TTC6: variants seen among roughly 807,000 people sequenced by gnomAD.
TTC6 encodes tetratricopeptide repeat protein 6.
Under a neutral mutation model 210.4 loss-of-function variants are expected in TTC6, and 172 were observed. The ratio of observed to expected loss-of-function variants is 0.82; its 90% CI spans 0.72 to 0.93. TTC6 has a LOEUF of 0.93. TTC6 is among the 40% of genes least tolerant of loss of function. The pLI is 0.00. For synonymous variants in TTC6, 804 were observed against 819.6 expected, an observed-to-expected ratio of 0.98 and a Z score of 0.32; for missense variants, 2,414 against 2,318.1, an observed-to-expected ratio of 1.04 and a Z score of -0.85.
chr14:37,645,548 C>T (rs200915808), intron 1 of TTC6, among the ~76,000 whole-genome samples: 44 of 152,016 alleles, frequency 2.9e-4, no homozygotes, highest in East Asian at 7.7e-4. Context: ...AATGGGGAAG[C>T]GAGAGACATT....
chr14:37,794,259 AT>A (rs373350677), intron 17 of TTC6, among the ~76,000 whole-genome samples: 111 of 152,262 alleles, frequency 7.3e-4, no homozygotes, highest in African/African-American at 2.5e-3. Flanking sequence ...AAATTTTCCA[AT>A]TTGTTTAAAC....
chr14:37,768,684 G>C (rs1243073354), intron 14 of TTC6, among the ~76,000 whole-genome samples: 2 of 151,796 alleles, frequency 1.3e-5, no homozygotes. Flanking sequence ...TTGCTTATCA[G>C]CTTAAGGAGA....
chr14:37,697,066 A>T (rs950064591), intron 4 of TTC6, among the ~76,000 whole-genome samples: 3 of 152,130 alleles, frequency 2.0e-5, no homozygotes, highest in Non-Finnish European at 4.4e-5. Flanking sequence ...TCATGATGTA[A>T]CAATAGCTGG....
intron 5 of TTC6, among the ~76,000 whole-genome samples, chr14:37,706,205 T>C (rs1220612927): frequency 6.6e-6 from 1 of 152,158 alleles, no homozygotes; most frequent in Non-Finnish European, 1.5e-5. Context: ...AAGAATGACA[T>C]GATCAGGTTT....
intron 6 of TTC6, among the ~76,000 whole-genome samples, chr14:37,715,611 A>G (rs558245967): frequency 3.9e-4 from 60 of 152,280 alleles, no homozygotes; most frequent in South Asian, 6.2e-4. Context: ...AAGAAACGAC[A>G]TGCTACCTGT....
At chr14:37,732,118 C>A (rs1315233968) in intron 7 of TTC6, among the ~76,000 whole-genome samples, 1 of 148,226 alleles carries the variant, frequency 6.7e-6, no homozygotes, top group Admixed American at 6.7e-5. Flanking sequence ...GGAAGCATTA[C>A]TGATAAACAG....
At chr14:37,721,996 C>T (rs2095862980) in intron 6 of TTC6, among the ~76,000 whole-genome samples, 2 of 150,748 alleles carry the variant, frequency 1.3e-5, no homozygotes, top group East Asian at 3.9e-4. Flanking sequence ...TAATCTCCCC[C>T]AGGGTCTCAG....
At chr14:37,681,763 T>C (rs1001204146) in intron 2 of TTC6, among the ~76,000 whole-genome samples, 2 of 152,106 alleles carry the variant, frequency 1.3e-5, no homozygotes, top group African/African-American at 4.8e-5. Context: ...TCCCTACCTT[T>C]GAAAATTTTG....
chr14:37,601,355 G>A (rs2095615241), intron 1 of TTC6, among the ~76,000 whole-genome samples: 1 of 152,132 alleles, frequency 6.6e-6, no homozygotes, highest in Non-Finnish European at 1.5e-5. Flanking sequence ...TGTGTCTCCT[G>A]CTGCCAGAGC....
chr14:37,709,560 A>G (rs1258039203), intron 5 of TTC6, among the ~76,000 whole-genome samples: 4 of 150,464 alleles, frequency 2.7e-5, no homozygotes, highest in Admixed American at 6.6e-5. Flanking sequence ...CTGTTACCAT[A>G]ACTGCCAATA....
At chr14:37,732,393 C>A (rs1266585765) in intron 7 of TTC6, among the ~76,000 whole-genome samples, 1 of 150,980 alleles carries the variant, frequency 6.6e-6, no homozygotes, top group African/African-American at 2.4e-5. Flanking sequence ...CCGTGTTAGC[C>A]AGGATGGTGT....
intron 1 of TTC6, among the ~76,000 whole-genome samples, chr14:37,650,705 A>G (rs2095709681): frequency 6.6e-6 from 1 of 152,182 alleles, no homozygotes; most frequent in East Asian, 1.9e-4. Context: ...GAATAATAAC[A>G]GCTTGCTTTT....
Position 37,747,887 on chromosome 14 carries a change from C to T in TTC6, c.2364-1052C>T, listed in dbSNP as rs115298953. 1.3e-3 allele frequency among the ~76,000 whole-genome samples: 193 copies of T among 152,280 alleles called. 1 individual carries two copies. The highest frequency in any genetic ancestry group is 4.4e-3 in the African/African-American group (184 of 41,564). On this transcript the variant is annotated intron_variant, in intron 10 of 30. Coordinates refer to ENST00000553443, the Ensembl canonical transcript of TTC6. ...GGCCTTCAGGCTTGCTCAAGGATTA[C>T]ATGGCTGGAAAATAGGGAATGAGGG...
intron 14 of TTC6, among the ~76,000 whole-genome samples, chr14:37,760,914 C>T (rs184308428): frequency 1.2e-3 from 185 of 152,268 alleles, no homozygotes; most frequent in Non-Finnish European, 1.7e-3. Context: ...GCCCTGGCAG[C>T]GAGAATTTCA....
At position 37,669,456 on chromosome 14, in the gene TTC6, CTTCT is replaced by C. The variant is rs145847536; in HGVS notation, c.940-10689_940-10686del. On this transcript the variant is annotated intron_variant, in intron 1 of 30. Coordinates refer to ENST00000553443, the Ensembl canonical transcript of TTC6. Reference sequence around the variant, plus strand: ...ATCCACTGGACACATTTAGTTTCTACTTCTTTCTTAAGAACTATTTTAAGGAAGT... The same window carrying C: ...ATCCACTGGACACATTTAGTTTCTACTTCTTAAGAACTATTTTAAGGAAGT... 9.6e-3 allele frequency among the ~76,000 whole-genome samples: 1,457 copies of C among 152,286 alleles called. 34 individuals are homozygous for C. Among genetic ancestry groups the C allele is most frequent in the African/African-American group, 0.033 (1,387 of 41,564 alleles).
At chr14:37,657,212 C>CAAAAAAAA (rs61052302) in intron 1 of TTC6, among the ~76,000 whole-genome samples, 27 of 35,648 alleles carry the variant, frequency 7.6e-4, no homozygotes, top group Non-Finnish European at 1.1e-3. Flanking sequence ...AACTCTGTCT[C>CAAAAAAAA]AAAAAAAAAA....
At chr14:37,833,466 C>T (rs977876973) in intron 29 of TTC6, among the ~76,000 whole-genome samples, 1 of 152,046 alleles carries the variant, frequency 6.6e-6, no homozygotes, top group African/African-American at 2.4e-5. Flanking sequence ...CTTTTTACAT[C>T]TCTTAACTCT....
intron 14 of TTC6, among the ~76,000 whole-genome samples, chr14:37,766,638 T>A (rs999175946): frequency 2.0e-5 from 3 of 152,182 alleles, no homozygotes; most frequent in African/African-American, 7.2e-5. Flanking sequence ...TGATTCCATG[T>A]CTTTACTATT....
At chr14:37,796,716 C>A in intron 19 of TTC6, 71 bp from the exon 22 acceptor site, 1 of 1,370,840 alleles carries the variant, frequency 7.3e-7, no homozygotes, top group Non-Finnish European at 1.0e-6. Context: ...TTGAATTACT[C>A]CCTTAGAATA....
Sources: gnomAD v4.1 joint callset for allele counts (sites outside exome capture counted in the v4.1 genomes callset) on GRCh38, gnomAD v4.1.1 for gene constraint, MANE v1.5 for transcripts, NCBI Gene and HGNC (gene_info 2026-07-23, HGNC 2026-07-21) for gene names.